The following LMX1A variants were observed in gnomAD, a reference collection of about 807,000 sequenced individuals.
The protein encoded by LMX1A is LIM homeobox transcription factor 1-alpha.
In LMX1A, 15 loss-of-function variants were observed where a neutral mutation model predicts 49.1. The observed-to-expected ratio is 0.31, with a 90% CI of 0.20 to 0.47. The LOEUF is 0.47. Ranked by LOEUF, LMX1A falls within the 20% of genes least tolerant of loss-of-function variation. The pLI, the probability that LMX1A is intolerant of heterozygous loss-of-function variation, is 1.00. For missense variants in LMX1A, 372 were observed against 475.8 expected (o/e 0.78, Z 2.03); for synonymous variants, 167 against 185.7 (o/e 0.90, Z 0.82).
intron 3 of LMX1A, among the ~76,000 whole-genome samples, chr1:165,316,178 G>C (rs922757207): frequency 4.6e-5 from 7 of 152,316 alleles, no homozygotes; most frequent in Admixed American, 6.5e-5. Context: ...GTGACATTCT[G>C]TCTTTATGTA....
At chr1:165,302,707 T>C (rs1409272016) in intron 3 of LMX1A, among the ~76,000 whole-genome samples, 1 of 152,220 alleles carries the variant, frequency 6.6e-6, no homozygotes, top group Non-Finnish European at 1.5e-5. Context: ...GAATTTTTGG[T>C]AAGGTCATTT....
At chr1:165,302,797 A>G (rs1433601153) in intron 3 of LMX1A, among the ~76,000 whole-genome samples, 1 of 152,208 alleles carries the variant, frequency 6.6e-6, no homozygotes, top group Admixed American at 6.5e-5. Flanking sequence ...TGCCAGGGTT[A>G]GGTTTTTCTC....
chr1:165,312,836 A>T (rs1409303968), intron 3 of LMX1A, among the ~76,000 whole-genome samples: 2 of 152,346 alleles, frequency 1.3e-5, no homozygotes, highest in East Asian at 3.9e-4. Context: ...TAGCAAAATA[A>T]ATGGTGGCTG....
intron 2 of LMX1A, among the ~76,000 whole-genome samples, chr1:165,354,975 C>A (rs756234364): frequency 6.6e-6 from 1 of 152,138 alleles, no homozygotes; most frequent in Non-Finnish European, 1.5e-5. Flanking sequence ...AGGGCCCAGC[C>A]GCGCGGTCTA....
chr1:165,293,141 AC>A (rs1206478688), intron 3 of LMX1A, among the ~76,000 whole-genome samples: 7 of 151,424 alleles, frequency 4.6e-5, no homozygotes, highest in Admixed American at 1.3e-4. Context: ...ACAAAACAAA[AC>A]AAAAAAAAAA....
At chr1:165,261,084 G>T (rs1653424939) in intron 3 of LMX1A, among the ~76,000 whole-genome samples, 1 of 152,182 alleles carries the variant, frequency 6.6e-6, no homozygotes, top group South Asian at 2.1e-4. Context: ...AATGGAGCCT[G>T]TGCACAGAAG....
intron 4 of LMX1A, among the ~76,000 whole-genome samples, chr1:165,239,014 C>G (rs1388555261): frequency 6.6e-6 from 1 of 152,158 alleles, no homozygotes; most frequent in African/African-American, 2.4e-5. Context: ...TAAAGTAATG[C>G]TTTGTGCAGA....
chr1:165,242,739 G>T (rs1356955473), intron 4 of LMX1A, among the ~76,000 whole-genome samples: 1 of 151,190 alleles, frequency 6.6e-6, no homozygotes, highest in African/African-American at 2.4e-5. Context: ...AATTAGCTGG[G>T]CTAATTTTTT....
At chr1:165,324,652 A>G (rs1655515954) in intron 3 of LMX1A, among the ~76,000 whole-genome samples, 1 of 152,192 alleles carries the variant, frequency 6.6e-6, no homozygotes. Context: ...TATTAATAAC[A>G]ACATGAATTG....
chr1:165,355,889 A>C lies in LMX1A; in HGVS notation c.-22-308T>G. Reference sequence around the variant, plus strand: ...CCCTTGCCCCAGGTTTTCCATCCCGAATCCGACTCCGCCCCAACCTATACG... The same window carrying C: ...CCCTTGCCCCAGGTTTTCCATCCCGCATCCGACTCCGCCCCAACCTATACG... On this transcript the variant is annotated intron_variant, in intron 1 of 8. Transcript: ENST00000342310. The surrounding 1 kb of genome is among the most constrained non-coding windows in gnomAD (Gnocchi z 4.7). 1 of 380,944 alleles carries C rather than the reference A, an allele frequency of 2.6e-6. No individual in the cohort carries two copies. The highest frequency in any genetic ancestry group is 4.8e-6 in the Non-Finnish European group (1 of 208,574). The allele number at this position is 380,944 out of a possible 1,614,324, so 23.6% of individuals were successfully genotyped here.
chr1:165,213,376 C>T, intron 5 of LMX1A: 1 of 387,912 alleles, frequency 2.6e-6, no homozygotes, highest in Non-Finnish European at 4.6e-6. Flanking sequence ...TTACTGTTCC[C>T]ATTGTGCTCT....
At chr1:165,273,187 C>G (rs1429303702) in intron 3 of LMX1A, among the ~76,000 whole-genome samples, 2 of 152,200 alleles carry the variant, frequency 1.3e-5, no homozygotes, top group African/African-American at 4.8e-5. Context: ...ACAGAGAACT[C>G]TTTCTGAGCA....
At chr1:165,308,223 T>C (rs1219222410) in intron 3 of LMX1A, among the ~76,000 whole-genome samples, 1 of 152,200 alleles carries the variant, frequency 6.6e-6, no homozygotes, top group Non-Finnish European at 1.5e-5. Flanking sequence ...GAATACTCGC[T>C]GGACACCAAG....
intron 3 of LMX1A, among the ~76,000 whole-genome samples, chr1:165,345,742 A>T (rs961826993): frequency 6.6e-6 from 1 of 152,184 alleles, no homozygotes; most frequent in Non-Finnish European, 1.5e-5. Context: ...TCTAAAGGCT[A>T]ATTAGGCCAG....
intron 7 of LMX1A, 91 bp downstream of exon 7, chr1:165,207,972 T>A: frequency 9.3e-7 from 1 of 1,076,058 alleles, no homozygotes; most frequent in Non-Finnish European, 1.4e-6. Flanking sequence ...TGAGTCCAGA[T>A]ATGTCATCCA....
chr1:165,265,754 A>G (rs2101690452), intron 3 of LMX1A, among the ~76,000 whole-genome samples: 1 of 152,326 alleles, frequency 6.6e-6, no homozygotes, highest in East Asian at 1.9e-4. Flanking sequence ...CTCCATGAAG[A>G]AAAATATTTC....
intron 3 of LMX1A, among the ~76,000 whole-genome samples, chr1:165,271,810 GT>G (rs34732875): frequency 0.049 from 7,404 of 151,956 alleles, 279 homozygotes; most frequent in East Asian, 0.12. Context: ...AAGGATTTAG[GT>G]TGGTGGACAG....
rs1364401844 is a variant in LMX1A at position 165,284,600 on chromosome 1, G to T, written c.264-34960C>A. On this transcript the variant is annotated intron_variant, in intron 3 of 8. Transcript: ENST00000342310. Reference sequence around the variant, plus strand: ...GGGAACAACCACAGTCTAAATCTGAGCCAGCTGATATTAGCGAGCAGTGAT... The same window carrying T: ...GGGAACAACCACAGTCTAAATCTGATCCAGCTGATATTAGCGAGCAGTGAT... Among the ~76,000 whole-genome samples the T allele has an allele frequency of 2.0e-5, 3 of 152,326 alleles. No homozygotes were observed. The East Asian group carries it at 5.8e-4, about 29-fold the overall frequency.
intron 3 of LMX1A, among the ~76,000 whole-genome samples, chr1:165,265,354 C>T (rs1281029709): frequency 6.6e-6 from 1 of 152,182 alleles, no homozygotes; most frequent in African/African-American, 2.4e-5. Flanking sequence ...GCTTCTCTTG[C>T]TGGTTCCAAG....
Sources: gnomAD v4.1 joint callset for allele counts (sites outside exome capture counted in the v4.1 genomes callset) on GRCh38, gnomAD v4.1.1 for gene constraint, Gnocchi (gnomAD v3.1) non-coding constraint, MANE v1.5 for transcripts, NCBI Gene and HGNC (gene_info 2026-07-23, HGNC 2026-07-21) for gene names.